Variants in ETV1 observed in about 807,000 individuals in gnomAD.
The protein encoded by ETV1 is ETS translocation variant 1.
In ETV1, 27 loss-of-function variants were observed where a neutral mutation model predicts 62.3. That is an observed-to-expected ratio of 0.43 (90% CI 0.32 to 0.60). The LOEUF (loss-of-function observed/expected upper bound fraction) is 0.60. Ranked by LOEUF, ETV1 falls within the 20% of genes least tolerant of loss-of-function variation. The probability of loss-of-function intolerance (pLI) is 0.06; values close to 1 mark genes in which losing one functional copy is unlikely to be tolerated. For synonymous variants in ETV1, 222 were observed against 199.6 expected (o/e 1.11, Z -0.94); for missense variants, 605 against 605.8 (o/e 1.00, Z 0.01).
At position 13,895,587 on chromosome 7, in the gene ETV1, C is replaced by T; in HGVS notation, c.*279G>A. On this transcript the variant is annotated 3_prime_UTR_variant, in exon 14 of 14. Transcript: ENST00000430479. ...ACTCAAAACTTGTAGGACCCCATCC[C>T]AAGCCTAAGTAAAAAGTAATCCCCA... 1 of 407,188 alleles carries T rather than the reference C, an allele frequency of 2.5e-6. No homozygotes were observed. Among genetic ancestry groups the T allele is most frequent in the South Asian group, 5.6e-5 (1 of 17,792 alleles). The allele number at this position is 407,188 out of a possible 1,614,324, so 25.2% of individuals were successfully genotyped here. A position where few individuals can be genotyped will look rare whatever the true frequency, so the allele number is the denominator to read the frequency against.
chr7:13,903,939 A>C (rs1278713479), intron 12 of ETV1, among the ~76,000 whole-genome samples: 1 of 152,100 alleles, frequency 6.6e-6, no homozygotes, highest in Non-Finnish European at 1.5e-5. Context: ...CTGGAGTCTC[A>C]CTCAATATCA....
At chr7:13,957,922 G>C (rs1244673519) in intron 6 of ETV1, among the ~76,000 whole-genome samples, 1 of 152,192 alleles carries the variant, frequency 6.6e-6, no homozygotes, top group African/African-American at 2.4e-5. Context: ...ACCGTGATAG[G>C]CCTGGTTTGC....
At chr7:13,929,759 G>A (rs982821403) in intron 9 of ETV1, among the ~76,000 whole-genome samples, 1 of 152,172 alleles carries the variant, frequency 6.6e-6, no homozygotes, top group Non-Finnish European at 1.5e-5. Context: ...CATAGGTTTT[G>A]GGGAGCTTGC....
At chr7:13,941,031 A>T (rs888480219) in intron 6 of ETV1, among the ~76,000 whole-genome samples, 3 of 152,184 alleles carry the variant, frequency 2.0e-5, no homozygotes, top group Admixed American at 2.0e-4. Context: ...GTGTGTGTAC[A>T]TACATGTTTA....
intron 6 of ETV1, among the ~76,000 whole-genome samples, chr7:13,963,532 A>C (rs1424255137): frequency 4.2e-5 from 4 of 95,974 alleles, no homozygotes; most frequent in Non-Finnish European, 3.6e-5. Context: ...CAATCTTGGC[A>C]AAAAAAAAAA....
chr7:13,988,767 G>A (rs779193396), intron 3 of ETV1: 3 of 1,611,108 alleles, frequency 1.9e-6, no homozygotes, highest in Non-Finnish European at 2.5e-6. Flanking sequence ...TTCCACTCAT[G>A]TTGGGCACTT....
At chr7:13,907,611 A>G (rs981738056) in intron 11 of ETV1, among the ~76,000 whole-genome samples, 1 of 152,128 alleles carries the variant, frequency 6.6e-6, no homozygotes, top group Non-Finnish European at 1.5e-5. Flanking sequence ...ATGTCTCAAA[A>G]ATAGGTGGAA....
chr7:13,984,595 T>G (rs1323385370), intron 5 of ETV1, among the ~76,000 whole-genome samples: 1 of 152,020 alleles, frequency 6.6e-6, no homozygotes, highest in Non-Finnish European at 1.5e-5. Context: ...TAACGTAAAC[T>G]GTTTTGAAAA....
At chr7:13,913,999 T>C (rs916517670) in intron 9 of ETV1, among the ~76,000 whole-genome samples, 10 of 147,354 alleles carry the variant, frequency 6.8e-5, no homozygotes, top group East Asian at 4.3e-4. Context: ...TTCTCCTGCC[T>C]CAGCCTCCTG....
intron 10 of ETV1, among the ~76,000 whole-genome samples, 157 bp downstream of exon 10, chr7:13,911,082 T>C (rs1364249213): frequency 1.3e-5 from 2 of 152,324 alleles, no homozygotes; most frequent in Middle Eastern, 3.4e-3. Context: ...ACTTGAAACA[T>C]CTTCTTTTTA....
chr7:13,905,990 C>T (rs1045773879), intron 12 of ETV1, among the ~76,000 whole-genome samples: 1 of 152,160 alleles, frequency 6.6e-6, no homozygotes, highest in Non-Finnish European at 1.5e-5. Context: ...CTCTCCAACC[C>T]TCATGACAAA....
At chr7:13,990,702 C>T (rs1400451410), upstream of ETV1, 1 of 152,204 alleles carries the variant, frequency 6.6e-6, no homozygotes, top group Non-Finnish European at 1.5e-5. Context: ...CCCTGATCCT[C>T]CTATGGGACT....
intron 5 of ETV1, among the ~76,000 whole-genome samples, chr7:13,984,051 C>G (rs905210626): frequency 6.6e-6 from 1 of 151,798 alleles, no homozygotes; most frequent in East Asian, 1.9e-4. Flanking sequence ...GATATCATTT[C>G]ACAAATATTT....
intron 6 of ETV1, among the ~76,000 whole-genome samples, chr7:13,975,487 C>T (rs1461737324): frequency 3.5e-5 from 5 of 143,806 alleles, no homozygotes; most frequent in East Asian, 2.3e-4. Flanking sequence ...GGTGTGAACC[C>T]GGGAGGTGGA....
rs1202950122 is a variant in ETV1 at position 13,895,897 on chromosome 7, G to A, written c.1403C>T (p.Pro468Leu). Residue 468 changes from proline (P) to leucine (L), a missense_variant, in exon 14 of 14, where the codon CCC (proline) becomes CTC (leucine). Transcript: ENST00000430479. Reference sequence around the variant, plus strand: ...CACGTAGCCTTCGTTGTAGGGGTGGGGGTTGCAGCAGCCCCCTTCCGGCAT... The same window carrying A: ...CACGTAGCCTTCGTTGTAGGGGTGGAGGTTGCAGCAGCCCCCTTCCGGCAT... Reference protein sequence around the residue: ...AYMPEGGCCNPHPYNEGYVY With the variant: ...AYMPEGGCCNLHPYNEGYVY The A allele has an allele frequency of 6.2e-7, 1 of 1,613,598 alleles. No homozygotes were observed. Among genetic ancestry groups the A allele is most frequent in the Admixed American group, 1.7e-5 (1 of 59,966 alleles).
At chr7:13,987,315 A>AGG (rs1782637517) in intron 4 of ETV1, among the ~76,000 whole-genome samples, 1 of 151,604 alleles carries the variant, frequency 6.6e-6, no homozygotes, top group East Asian at 1.9e-4. Flanking sequence ...AGGGAGGGAG[A>AGG]GAGGGAGGTA....
chr7:13,986,404 T>C (rs1782554786), intron 5 of ETV1: 2 of 1,485,278 alleles, frequency 1.3e-6, no homozygotes, highest in Non-Finnish European at 1.8e-6. Context: ...CAAAAGCAGA[T>C]GTGATTGTGA....
chr7:13,983,141 A>C (rs1253004944), intron 5 of ETV1, among the ~76,000 whole-genome samples: 1 of 152,020 alleles, frequency 6.6e-6, no homozygotes, highest in African/African-American at 2.4e-5. Context: ...ACTTGACTCA[A>C]TACAAAACCA....
chr7:13,942,912 C>G (rs926774420), intron 6 of ETV1, among the ~76,000 whole-genome samples: 6 of 151,730 alleles, frequency 4.0e-5, no homozygotes, highest in African/African-American at 1.5e-4. Flanking sequence ...TCTTGAGTAC[C>G]ATGAAGTAGG....
Sources: allele counts gnomAD v4.1 joint callset (sites outside exome capture counted in the v4.1 genomes callset), GRCh38; gene constraint gnomAD v4.1.1; transcripts MANE v1.5; gene names NCBI Gene and HGNC (gene_info 2026-07-23, HGNC 2026-07-21).